The following SPAG17 variants were observed in gnomAD, a reference collection of about 807,000 sequenced individuals.
SPAG17 encodes sperm-associated antigen 17.
A neutral mutation model predicts 273.6 loss-of-function variants in SPAG17; 169 were observed. The ratio of observed to expected loss-of-function variants is 0.62; its 90% CI spans 0.55 to 0.70. The LOEUF (loss-of-function observed/expected upper bound fraction) is 0.70, where lower values mean the gene tolerates loss of function less well. SPAG17 is among the 30% of genes least tolerant of loss of function. The probability of loss-of-function intolerance (pLI) is 0.00; values close to 1 mark genes in which losing one functional copy is unlikely to be tolerated. For missense variants in SPAG17, 2,557 were observed against 2,627.8 expected (o/e 0.97, Z 0.59); for synonymous variants, 825 against 873.2 (o/e 0.94, Z 0.97).
chr1:118,066,194 T>C (rs989356333), intron 18 of SPAG17, among the ~76,000 whole-genome samples: 8 of 151,290 alleles, frequency 5.3e-5, no homozygotes, highest in Admixed American at 4.6e-4. Flanking sequence ...TTAACCAGTA[T>C]TGAAATAACA....
intron 10 of SPAG17, among the ~76,000 whole-genome samples, chr1:118,089,664 A>G (rs1655240751): frequency 6.6e-6 from 1 of 152,166 alleles, no homozygotes; most frequent in African/African-American, 2.4e-5. Context: ...CAGAAATGGC[A>G]TCCAAATACT....
chr1:117,954,094 A>G (rs764033918), intron 48 of SPAG17, 45 bp from the exon 49 acceptor site: 9 of 1,611,910 alleles, frequency 5.6e-6, no homozygotes, highest in Non-Finnish European at 7.6e-6. Context: ...AGCTGCAGGG[A>G]AAGAGGTAAT....
chr1:117,988,303 A>G, intron 38 of SPAG17, 99 bp from the exon 39 acceptor site: 1 of 773,078 alleles, frequency 1.3e-6, no homozygotes, highest in East Asian at 2.9e-5. Flanking sequence ...TTAAGAGCCT[A>G]TATAGTTAAT....
At chr1:118,052,955 G>A (rs1269518078) in intron 20 of SPAG17, among the ~76,000 whole-genome samples, 2 of 151,972 alleles carry the variant, frequency 1.3e-5, no homozygotes, top group South Asian at 2.1e-4. Flanking sequence ...CAAAGATGCA[G>A]TTAGGATGGA....
At chr1:118,037,723 C>T (rs144661600) in intron 23 of SPAG17, among the ~76,000 whole-genome samples, 100 of 152,276 alleles carry the variant, frequency 6.6e-4, no homozygotes, top group African/African-American at 2.2e-3. Context: ...GTATGTACCA[C>T]ATTTTCTTTA....
At chr1:118,018,653 T>C (rs1660195790) in intron 28 of SPAG17, among the ~76,000 whole-genome samples, 1 of 148,366 alleles carries the variant, frequency 6.7e-6, no homozygotes, top group African/African-American at 2.5e-5. Context: ...GCCAACATAG[T>C]GACACTTCAC....
At chr1:117,957,032 A>G (rs1401841601) in intron 48 of SPAG17, 1 of 1,527,856 alleles carries the variant, frequency 6.5e-7, no homozygotes, top group Non-Finnish European at 8.8e-7. Flanking sequence ...AACGTTAACA[A>G]ATGTGGCATT....
chr1:118,023,029 C>T (rs566370233), intron 28 of SPAG17, among the ~76,000 whole-genome samples: 5 of 151,986 alleles, frequency 3.3e-5, no homozygotes, highest in Non-Finnish European at 5.9e-5. Context: ...CCCAGTCAAC[C>T]CTAAAACAGC....
Position 118,137,185 on chromosome 1 carries a change from A to T in SPAG17, c.315+13358T>A, listed in dbSNP as rs146490863. On this transcript the variant is annotated intron_variant, in intron 3 of 48. Transcript: ENST00000336338. ...CAGTGGTGGCCTGTGACTATGTGAC[A>T]TGTTATTAGACTGTTCTGGCTTCTC... Among the ~76,000 whole-genome samples, 320 of 152,322 alleles carry T rather than the reference A, an allele frequency of 2.1e-3. 4 individuals are homozygous for T. The highest frequency in any genetic ancestry group is 7.3e-3 in the African/African-American group (303 of 41,578).
intron 38 of SPAG17, among the ~76,000 whole-genome samples, chr1:117,988,755 C>G (rs562221989): frequency 6.8e-4 from 103 of 152,234 alleles, no homozygotes; most frequent in African/African-American, 2.3e-3. Flanking sequence ...GGTTTCACTA[C>G]TTTTCCGCAT....
chr1:118,064,816 T>C (rs1217600839), intron 18 of SPAG17, among the ~76,000 whole-genome samples: 2 of 151,598 alleles, frequency 1.3e-5, no homozygotes, highest in African/African-American at 4.8e-5. Flanking sequence ...TACTTTGAGG[T>C]GTTGCTAAGG....
intron 1 of SPAG17, among the ~76,000 whole-genome samples, chr1:118,163,565 A>G (rs1375867185): frequency 6.6e-6 from 1 of 150,880 alleles, no homozygotes; most frequent in South Asian, 2.1e-4. Flanking sequence ...TTACTAGAGC[A>G]AATGACCTCT....
At chr1:118,091,905 C>A in intron 9 of SPAG17, 25 bp downstream of exon 9, 1 of 1,612,236 alleles carries the variant, frequency 6.2e-7, no homozygotes, top group Non-Finnish European at 8.5e-7. Context: ...GGTGTTGATC[C>A]TCCAGCAGCC....
chr1:118,171,344 T>C (rs1660408106), intron 1 of SPAG17, among the ~76,000 whole-genome samples: 2 of 152,136 alleles, frequency 1.3e-5, no homozygotes, highest in African/African-American at 4.8e-5. Context: ...AACCAGGGAA[T>C]ATGGCATGCT....
At chr1:118,148,140 T>A (rs907214885) in intron 3 of SPAG17, among the ~76,000 whole-genome samples, 54 of 152,254 alleles carry the variant, frequency 3.5e-4, no homozygotes, top group African/African-American at 1.2e-3. Context: ...TCTCCCACAG[T>A]GCAGAGTTTC....
chr1:117,986,940 GA>G (rs752875196), intron 40 of SPAG17, among the ~76,000 whole-genome samples: 1 of 148,682 alleles, frequency 6.7e-6, no homozygotes, highest in Admixed American at 6.6e-5. Context: ...AGGTGCCCTT[GA>G]AATACCCACA....
At chr1:118,123,293 G>C (rs529764221) in intron 3 of SPAG17, among the ~76,000 whole-genome samples, 2 of 152,130 alleles carry the variant, frequency 1.3e-5, no homozygotes, top group African/African-American at 4.8e-5. Context: ...CATTCTTTAA[G>C]TAATGAGTAA....
intron 32 of SPAG17, 73 bp from the exon 33 acceptor site, chr1:117,996,816 G>A: frequency 7.0e-7 from 1 of 1,428,916 alleles, no homozygotes; most frequent in South Asian, 1.5e-5. Context: ...GATTCAATTT[G>A]AGAAAACAGA....
intron 17 of SPAG17, among the ~76,000 whole-genome samples, chr1:118,068,984 A>T (rs1007755788): frequency 5.3e-5 from 8 of 152,134 alleles, no homozygotes; most frequent in Admixed American, 1.3e-4. Context: ...TAGAGAATGG[A>T]TTAGAGCAGG....
Sources: gnomAD v4.1 joint callset for allele counts (sites outside exome capture counted in the v4.1 genomes callset) on GRCh38, gnomAD v4.1.1 for gene constraint, MANE v1.5 for transcripts, NCBI Gene and HGNC (gene_info 2026-07-23, HGNC 2026-07-21) for gene names.